The following NUBPL variants were observed in gnomAD, a reference collection of about 807,000 sequenced individuals.
NUBPL encodes the protein iron-sulfur cluster transfer protein NUBPL.
Under a neutral mutation model 45.7 loss-of-function variants are expected in NUBPL, and 31 were observed. The observed-to-expected ratio is 0.68, with a 90% CI of 0.51 to 0.92. NUBPL has a LOEUF of 0.92. NUBPL is among the 40% of genes least tolerant of loss of function. NUBPL has a pLI of 0.00. For synonymous variants in NUBPL, 144 were observed against 140.9 expected (o/e 1.02, Z -0.15); for missense variants, 401 against 398.7 (o/e 1.01, Z -0.05).
intron 4 of NUBPL, among the ~76,000 whole-genome samples, chr14:31,648,132 T>C (rs2035905158): frequency 6.6e-6 from 1 of 152,214 alleles, no homozygotes; most frequent in African/African-American, 2.4e-5. Flanking sequence ...TTTGTGATAT[T>C]GAACAAGATG....
intron 6 of NUBPL, among the ~76,000 whole-genome samples, chr14:31,763,203 G>A (rs972321007): frequency 6.6e-6 from 1 of 152,120 alleles, no homozygotes; most frequent in East Asian, 1.9e-4. Context: ...CAGTAGCTTT[G>A]GTGGTTGGAG....
chr14:31,681,410 A>G (rs2036829750), intron 6 of NUBPL, among the ~76,000 whole-genome samples: 2 of 151,262 alleles, frequency 1.3e-5, no homozygotes, highest in African/African-American at 4.8e-5. Context: ...TTCTAATGTT[A>G]GTAATTTGTT....
intron 4 of NUBPL, among the ~76,000 whole-genome samples, chr14:31,640,445 CA>C (rs1197461810): frequency 6.6e-6 from 1 of 151,496 alleles, no homozygotes; most frequent in Non-Finnish European, 1.5e-5. Flanking sequence ...GCTAAAAATA[CA>C]AAAATTAGTA....
intron 7 of NUBPL, among the ~76,000 whole-genome samples, chr14:31,803,596 A>T (rs1253375747): frequency 1.3e-5 from 2 of 152,152 alleles, no homozygotes; most frequent in Non-Finnish European, 2.9e-5. Context: ...GGAGGCAATC[A>T]ATTTTGGACT....
At chr14:31,619,652 C>T (rs943178901) in intron 4 of NUBPL, among the ~76,000 whole-genome samples, 6 of 152,138 alleles carry the variant, frequency 3.9e-5, no homozygotes, top group African/African-American at 1.2e-4. Flanking sequence ...CTGAGAGATC[C>T]GCTGTTAGTC....
intron 6 of NUBPL, among the ~76,000 whole-genome samples, chr14:31,775,806 T>C (rs2039088682): frequency 6.6e-6 from 1 of 152,118 alleles, no homozygotes; most frequent in Non-Finnish European, 1.5e-5. Context: ...GTTTGGAGCC[T>C]GAAAGAGAAC....
chr14:31,709,643 A>T (rs908810860), intron 6 of NUBPL, among the ~76,000 whole-genome samples: 1 of 152,240 alleles, frequency 6.6e-6, no homozygotes, highest in Admixed American at 6.5e-5. Flanking sequence ...TAGACCCTGT[A>T]GGACATTTAT....
intron 3 of NUBPL, among the ~76,000 whole-genome samples, chr14:31,594,410 G>GA (rs925074732): frequency 4.6e-5 from 7 of 152,234 alleles, no homozygotes; most frequent in East Asian, 1.9e-4. Flanking sequence ...AAGACCGTCT[G>GA]AAAAAACAAC....
At chr14:31,650,472 G>A (rs1373596235) in intron 4 of NUBPL, among the ~76,000 whole-genome samples, 1 of 151,950 alleles carries the variant, frequency 6.6e-6, no homozygotes, top group African/African-American at 2.4e-5. Context: ...TGTATTTTTA[G>A]TAGAGACAGG....
intron 6 of NUBPL, among the ~76,000 whole-genome samples, chr14:31,755,788 A>C (rs2038647024): frequency 6.6e-6 from 1 of 151,546 alleles, no homozygotes; most frequent in African/African-American, 2.4e-5. Flanking sequence ...CTATGTCCTG[A>C]ATGGTAATGC....
In NUBPL at chr14:31,841,917, C is replaced by CTTTTGTTTTTGTTTTTTTTTTTTT; in HGVS notation, c.694-4550_694-4549insGTTTTTGTTTTTTTTTTTTTTTTT. 7.4e-4 allele frequency among the ~76,000 whole-genome samples: 32 copies of CTTTTGTTTTTGTTTTTTTTTTTTT among 43,050 alleles called. 1 individual carries two copies. Among genetic ancestry groups the CTTTTGTTTTTGTTTTTTTTTTTTT allele is most frequent in the Non-Finnish European group, 1.2e-3 (28 of 23,472 alleles). The allele number at this position is 43,050 out of a possible 152,430, so 28.2% of individuals were successfully genotyped here. A position where few individuals can be genotyped will look rare whatever the true frequency, so the allele number is the denominator to read the frequency against. ...CTTTCATGTATGGGTCGATTCTGGG[C>CTTTTGTTTTTGTTTTTTTTTTTTT]TTTTTTTTTTTTTTTTTTTTTTTTT... On this transcript the variant is annotated intron_variant, in intron 8 of 10. Transcript: ENST00000281081.
intron 4 of NUBPL, among the ~76,000 whole-genome samples, chr14:31,641,316 C>T (rs931608121): frequency 6.6e-6 from 1 of 152,048 alleles, no homozygotes; most frequent in Admixed American, 6.6e-5. Context: ...TTCATCACTC[C>T]CTTACCCCCT....
At chr14:31,734,986 C>T (rs1365355679) in intron 6 of NUBPL, among the ~76,000 whole-genome samples, 1 of 151,930 alleles carries the variant, frequency 6.6e-6, no homozygotes, top group African/African-American at 2.4e-5. Flanking sequence ...GTTGACTTTA[C>T]TACTGACATT....
chr14:31,800,313 T>C (rs577975904), intron 7 of NUBPL, among the ~76,000 whole-genome samples: 2 of 152,334 alleles, frequency 1.3e-5, no homozygotes, highest in East Asian at 3.9e-4. Flanking sequence ...TCACAAATGT[T>C]ATTTGGTACA....
chr14:31,784,662 G>A (rs1380510282), intron 6 of NUBPL, among the ~76,000 whole-genome samples: 1 of 152,058 alleles, frequency 6.6e-6, no homozygotes, highest in African/African-American at 2.4e-5. Context: ...TGGAGGTCAT[G>A]GGTAGTCTCG....
At chr14:31,638,811 C>G (rs1317507321) in intron 4 of NUBPL, among the ~76,000 whole-genome samples, 1 of 152,096 alleles carries the variant, frequency 6.6e-6, no homozygotes, top group Non-Finnish European at 1.5e-5. Context: ...TCTAAACTTC[C>G]CTTCTCGCTT....
intron 4 of NUBPL, among the ~76,000 whole-genome samples, chr14:31,650,628 T>G (rs1020022141): frequency 2.0e-5 from 3 of 152,202 alleles, no homozygotes; most frequent in African/African-American, 7.2e-5. Flanking sequence ...GTCTCCATAC[T>G]TAATGTCTAT....
chr14:31,688,271 G>A (rs12882812), intron 6 of NUBPL, among the ~76,000 whole-genome samples: 66,009 of 151,934 alleles, frequency 0.43, 17,216 homozygotes, highest in East Asian at 0.6. Flanking sequence ...AGATGAGTTC[G>A]TGGACATCAT....
chr14:31,750,395 G>C (rs2038499803), intron 6 of NUBPL, among the ~76,000 whole-genome samples: 1 of 145,788 alleles, frequency 6.9e-6, no homozygotes, highest in Non-Finnish European at 1.5e-5. Context: ...ATTTTTAGTA[G>C]AGACGGGGTT....
Sources: allele counts gnomAD v4.1 joint callset (sites outside exome capture counted in the v4.1 genomes callset), GRCh38; gene constraint gnomAD v4.1.1; transcripts MANE v1.5; gene names NCBI Gene and HGNC (gene_info 2026-07-23, HGNC 2026-07-21).